PFKFB2: variants seen among roughly 807,000 people sequenced by gnomAD.
PFKFB2 encodes the protein 6-phosphofructo-2-kinase/fructose-2,6-biphosphatase 2.
A neutral mutation model predicts 68.0 loss-of-function variants in PFKFB2; 53 were observed. That is an observed-to-expected ratio of 0.78 (90% CI 0.63 to 0.98). The LOEUF (loss-of-function observed/expected upper bound fraction) is 0.98, where lower values mean the gene tolerates loss of function less well. Ranked by LOEUF, PFKFB2 falls within the 50% of genes least tolerant of loss-of-function variation. The probability of loss-of-function intolerance (pLI) is 0.00; values close to 1 mark genes in which losing one functional copy is unlikely to be tolerated. For synonymous variants in PFKFB2, 222 were observed against 227.6 expected (o/e 0.98, Z 0.22); for missense variants, 451 against 642.0 (o/e 0.70, Z 3.22).
At position 207,071,703 on chromosome 1, in the gene PFKFB2, A is replaced by G. The variant is rs921385296; in HGVS notation, c.1350+130A>G. On this transcript the variant is annotated intron_variant, in intron 14 of 14. Coordinates refer to ENST00000367080, the MANE Select transcript of PFKFB2 (RefSeq NM_006212.2). ...AGATTCAGAACTTACGTCCAAATGTAGTTTGCTACGTCTGAAACTGATGTT... is the reference window on the plus strand; with the variant it reads ...AGATTCAGAACTTACGTCCAAATGTGGTTTGCTACGTCTGAAACTGATGTT... The G allele has an allele frequency of 1.7e-5, 11 of 661,202 alleles. 1 individual carries two copies. The South Asian group carries it at 2.0e-4, about 12-fold the overall frequency. 41.0% of individuals were successfully genotyped at this position (661,202 alleles called of 1,614,324 possible).
upstream of PFKFB2, chr1:207,049,650 A>C: frequency 6.2e-7 from 1 of 1,614,232 alleles, no homozygotes. Context: ...TGACGTAACT[A>C]GAAGCACCAC....
chr1:207,035,198 C>T, intron 1 of PFKFB2: 1 of 985,538 alleles, frequency 1.0e-6, no homozygotes, highest in South Asian at 4.7e-5. Context: ...TTCTTGCATG[C>T]TGTTGTGGTC....
chr1:207,048,992 T>A, upstream of PFKFB2: 2 of 1,590,192 alleles, frequency 1.3e-6, no homozygotes. Context: ...TGTGAGGTAG[T>A]AGGCTTCAAC....
intron 1 of PFKFB2, among the ~76,000 whole-genome samples, chr1:207,040,158 T>C (rs948306630): frequency 3.9e-5 from 6 of 152,202 alleles, no homozygotes; most frequent in Non-Finnish European, 7.3e-5. Context: ...GTAAGGGTTA[T>C]TGGGAATAAT....
chr1:207,075,545 C>G lies in PFKFB2; in HGVS notation c.*3174C>G. 1 of 985,062 alleles carries G rather than the reference C, an allele frequency of 1.0e-6. No individual in the cohort carries two copies. The highest frequency in any genetic ancestry group is 4.7e-5 in the South Asian group (1 of 21,278). The allele number at this position is 985,062 out of a possible 1,614,324, so 61.0% of individuals were successfully genotyped here. A position where few individuals can be genotyped will look rare whatever the true frequency, so the allele number is the denominator to read the frequency against. On this transcript the variant is annotated 3_prime_UTR_variant, in exon 15 of 15. Coordinates refer to ENST00000367080, the MANE Select transcript of PFKFB2 (RefSeq NM_006212.2). The stretch of plus-strand genomic sequence containing the variant: ...ATGACTGTGTCTATCACAAGTCCTA[C>G]AAAATAAAAATGGACTTAAAAGTAC...
chr1:207,049,823 C>T, upstream of PFKFB2: 3 of 1,103,360 alleles, frequency 2.7e-6, no homozygotes, highest in Non-Finnish European at 3.8e-6. Context: ...GGAGTTAAAG[C>T]ATAAACTGGG....
chr1:207,057,417 G>A (rs1682960700), intron 2 of PFKFB2, among the ~76,000 whole-genome samples: 2 of 150,040 alleles, frequency 1.3e-5, no homozygotes, highest in Admixed American at 1.3e-4. Context: ...GGCGGAGCTT[G>A]CAGTGAGCCG....
rs1172222352 is a variant in PFKFB2, at chr1:207,074,959, G to A, written c.*2588G>A. On this transcript the variant is annotated 3_prime_UTR_variant, in exon 15 of 15. Transcript: ENST00000367080. Reference sequence around the variant, plus strand: ...AGATATGGTTGGGGAGGCGTGTTTGGCACTTTTACAAGGTTGCATTGTCCA... The same window carrying A: ...AGATATGGTTGGGGAGGCGTGTTTGACACTTTTACAAGGTTGCATTGTCCA... 11 of 985,328 alleles carry A rather than the reference G, an allele frequency of 1.1e-5. No homozygotes were observed. The highest frequency in any genetic ancestry group is 1.3e-5 in the Non-Finnish European group (11 of 829,944). The allele number at this position is 985,328 out of a possible 1,614,324, so 61.0% of individuals were successfully genotyped here. A position where few individuals can be genotyped will look rare whatever the true frequency, so the allele number is the denominator to read the frequency against.
chr1:207,061,901 A>C (rs1216746775), intron 2 of PFKFB2, 52 bp from the exon 3 acceptor site: 9 of 1,523,936 alleles, frequency 5.9e-6, no homozygotes, highest in Non-Finnish European at 8.2e-6. Context: ...ACACCAAAAA[A>C]CCTTACTAGG....
chr1:207,035,021 G>T, intron 1 of PFKFB2: 1 of 373,978 alleles, frequency 2.7e-6, no homozygotes. Flanking sequence ...GATTTCCAAA[G>T]TCAGTCAAAA....
intron 1 of PFKFB2, among the ~76,000 whole-genome samples, chr1:207,035,712 A>T (rs1682364778): frequency 6.6e-6 from 1 of 152,060 alleles, no homozygotes. Context: ...TGTTTTGCTC[A>T]TGATTCTACA....
At chr1:207,050,809 G>A (rs1020705357), upstream of PFKFB2, 2 of 1,613,202 alleles carry the variant, frequency 1.2e-6, no homozygotes, top group East Asian at 2.2e-5. Context: ...CGGCAATTTG[G>A]CCCTGGAGTT....
chr1:207,075,332 G>A lies in PFKFB2; in HGVS notation c.*2961G>A. The A allele has an allele frequency of 1.0e-6, 1 of 985,476 alleles. No homozygotes were observed. The highest frequency in any genetic ancestry group is 1.2e-6 in the Non-Finnish European group (1 of 829,944). The allele number at this position is 985,476 out of a possible 1,614,324, so 61.0% of individuals were successfully genotyped here. On this transcript the variant is annotated 3_prime_UTR_variant, in exon 15 of 15. Transcript: ENST00000367080. ...GACATGAGAAATTGGAATTTGGCAA[G>A]CAAGGGCTTCAGCATCCTTTAGTTT...
At position 207,072,710 on chromosome 1, in the gene PFKFB2, C is replaced by G; in HGVS notation, c.*339C>G. 9.5e-7 allele frequency: 1 copy of G among 1,056,790 alleles called. No individual in the cohort carries two copies. 65.5% of individuals were successfully genotyped at this position (1,056,790 alleles called of 1,614,324 possible). ...CACTCTTGGATCTTCTCTCTGTTCCCTGGTGTCTTCACTAATGTCCTCATG... is the reference window on the plus strand; with the variant it reads ...CACTCTTGGATCTTCTCTCTGTTCCGTGGTGTCTTCACTAATGTCCTCATG... On this transcript the variant is annotated 3_prime_UTR_variant, in exon 15 of 15. Transcript: ENST00000367080.
chr1:207,051,078 C>T (rs1682739382), upstream of PFKFB2: 4 of 1,460,680 alleles, frequency 2.7e-6, no homozygotes, highest in African/African-American at 2.8e-5. Flanking sequence ...TTCGGTGCGG[C>T]TTCTGCCTTA....
chr1:207,068,583 G>A (rs548773298), intron 10 of PFKFB2, among the ~76,000 whole-genome samples: 241 of 152,088 alleles, frequency 1.6e-3, no homozygotes, highest in African/African-American at 5.6e-3. Context: ...GGGCTAACAA[G>A]GACTCATTTT....
chr1:207,071,440 T>C, intron 13 of PFKFB2, 69 bp from the exon 14 acceptor site: 1 of 1,314,900 alleles, frequency 7.6e-7, no homozygotes, highest in Non-Finnish European at 1.1e-6. Flanking sequence ...TGTGGTATAC[T>C]TTCCCATAAC....
chr1:207,061,167 A>ATATATATT (rs1274647833), intron 2 of PFKFB2, among the ~76,000 whole-genome samples: 1 of 45,314 alleles, frequency 2.2e-5, no homozygotes, highest in Non-Finnish European at 3.8e-5. Flanking sequence ...ATATATCTTT[A>ATATATATT]TATATATATA....
Position 207,070,998 on chromosome 1 carries a change from TTTCC to T in PFKFB2, c.1223-183_1223-180del, listed in dbSNP as rs1277625851. On this transcript the variant is annotated intron_variant, in intron 12 of 14. Transcript: ENST00000367080. This position sits in a 1 kb window ranked among gnomAD's most constrained non-coding sequence, Gnocchi z 4.2. ...CGTGGAAGGATCTAAGATGGCCTTA[TTTCC>T]TTCCTTAGCCACTCAGAAGGTTGGG... 2.6e-5 allele frequency among the ~76,000 whole-genome samples: 4 copies of T among 152,176 alleles called. No individual in the cohort carries two copies. Among genetic ancestry groups the T allele is most frequent in the African/African-American group, 7.2e-5 (3 of 41,442 alleles).
Sources: gnomAD v4.1 joint callset for allele counts (sites outside exome capture counted in the v4.1 genomes callset) on GRCh38, gnomAD v4.1.1 for gene constraint, Gnocchi (gnomAD v3.1) non-coding constraint, MANE v1.5 for transcripts, NCBI Gene and HGNC (gene_info 2026-07-23, HGNC 2026-07-21) for gene names.